PDE4D: variants seen among roughly 807,000 people sequenced by gnomAD.
The protein encoded by PDE4D is phosphodiesterase 4D.
Under a neutral mutation model 87.4 loss-of-function variants are expected in PDE4D, and 24 were observed. That is an observed-to-expected ratio of 0.27 (90% CI 0.20 to 0.39). PDE4D has a LOEUF of 0.39. PDE4D is among the 10% of genes least tolerant of loss of function. PDE4D has a pLI of 1.00. For missense variants in PDE4D, 714 were observed against 1,041.0 expected (o/e 0.69, Z 4.32); for synonymous variants, 384 against 383.2 (o/e 1.00, Z -0.02).
chr5:59,020,725 G>A (rs1471060626), intron 6 of PDE4D, among the ~76,000 whole-genome samples: 8 of 151,342 alleles, frequency 5.3e-5, no homozygotes, highest in East Asian at 3.9e-4. Flanking sequence ...AACAAAGTCC[G>A]ACTCCTCTGT....
chr5:60,102,853 T>C (rs1462514969), intron 2 of PDE4D, among the ~76,000 whole-genome samples: 1 of 152,108 alleles, frequency 6.6e-6, no homozygotes, highest in Non-Finnish European at 1.5e-5. Context: ...ATATATTCAT[T>C]GTAAACAGTC....
chr5:59,413,938 A>C (rs1793154326), intron 1 of PDE4D, among the ~76,000 whole-genome samples: 1 of 152,014 alleles, frequency 6.6e-6, no homozygotes, highest in Non-Finnish European at 1.5e-5. Context: ...ACACATACAC[A>C]CACACATATA....
At chr5:59,503,415 A>G (rs1808678203) in intron 1 of PDE4D, among the ~76,000 whole-genome samples, 1 of 152,192 alleles carries the variant, frequency 6.6e-6, no homozygotes, top group South Asian at 2.1e-4. Context: ...TTCCCATGAC[A>G]ACCAAGAATA....
At chr5:59,144,250 C>G (rs934536675) in intron 5 of PDE4D, among the ~76,000 whole-genome samples, 1 of 152,202 alleles carries the variant, frequency 6.6e-6, no homozygotes, top group Non-Finnish European at 1.5e-5. Flanking sequence ...CTCTGACCAA[C>G]CATGACCTCT....
chr5:60,087,208 A>G (rs554634724), intron 2 of PDE4D, among the ~76,000 whole-genome samples: 1 of 152,254 alleles, frequency 6.6e-6, no homozygotes, highest in Non-Finnish European at 1.5e-5. Context: ...AGACTCCCAG[A>G]ATGGGAAGAA....
chr5:59,426,734 C>T (rs1207205691), intron 1 of PDE4D, among the ~76,000 whole-genome samples: 1 of 152,026 alleles, frequency 6.6e-6, no homozygotes, highest in African/African-American at 2.4e-5. Context: ...CCTTGGGGTG[C>T]CAGTGGCTAC....
At chr5:59,494,990 C>T (rs1224273179) in intron 1 of PDE4D, among the ~76,000 whole-genome samples, 6 of 152,158 alleles carry the variant, frequency 3.9e-5, no homozygotes, top group Non-Finnish European at 8.8e-5. Flanking sequence ...CCTACAATTC[C>T]CACCTAAGGC....
At chr5:59,751,574 G>GGTGTGTGTGT (rs57407769) in intron 1 of PDE4D, among the ~76,000 whole-genome samples, 7,454 of 142,638 alleles carry the variant, frequency 0.052, 217 homozygotes, top group Middle Eastern at 0.074. Context: ...ATAAATCCCT[G>GGTGTGTGTGT]GTGTGTGTGT....
At chr5:60,131,385 G>A (rs1211754666) in intron 2 of PDE4D, among the ~76,000 whole-genome samples, 1 of 152,146 alleles carries the variant, frequency 6.6e-6, no homozygotes. Context: ...ATGTGACTTT[G>A]TAGTTCTTCT....
chr5:60,484,188 TAA>T (rs34177181), intron 1 of PDE4D, among the ~76,000 whole-genome samples: 7 of 136,582 alleles, frequency 5.1e-5, no homozygotes, highest in African/African-American at 8.1e-5. Context: ...AGACAGGAAT[TAA>T]AAAAAAAAAA....
intron 1 of PDE4D, among the ~76,000 whole-genome samples, chr5:59,621,108 A>G (rs1405374104): frequency 1.3e-5 from 2 of 152,100 alleles, no homozygotes; most frequent in Non-Finnish European, 2.9e-5. Flanking sequence ...AGTTAGAGCT[A>G]TAAGCCTATA....
At chr5:59,126,490 G>A (rs1775422596) in intron 5 of PDE4D, among the ~76,000 whole-genome samples, 1 of 152,202 alleles carries the variant, frequency 6.6e-6, no homozygotes, top group Non-Finnish European at 1.5e-5. Flanking sequence ...GGAGAAGGTT[G>A]TACTTTAGCT....
intron 1 of PDE4D, among the ~76,000 whole-genome samples, chr5:59,233,733 T>A (rs970688896): frequency 4.6e-5 from 7 of 152,268 alleles, no homozygotes; most frequent in Admixed American, 2.6e-4. Context: ...AAATATTTCA[T>A]TGCCACCTTA....
chr5:59,277,177 G>A (rs112950215), intron 1 of PDE4D, among the ~76,000 whole-genome samples: 187 of 152,258 alleles, frequency 1.2e-3, no homozygotes, highest in African/African-American at 4.3e-3. Context: ...TACGGCATCC[G>A]CCAGAGGCTC....
intron 1 of PDE4D, among the ~76,000 whole-genome samples, chr5:60,253,551 C>T (rs1257601960): frequency 1.3e-5 from 2 of 151,746 alleles, no homozygotes; most frequent in African/African-American, 4.8e-5. Context: ...GAGGCTATCT[C>T]AATTTTACAG....
At chr5:60,102,700 G>C (rs997616294) in intron 2 of PDE4D, among the ~76,000 whole-genome samples, 1 of 152,110 alleles carries the variant, frequency 6.6e-6, no homozygotes, top group Non-Finnish European at 1.5e-5. Flanking sequence ...ATAGAAAACA[G>C]ATAAAAGACT....
At chr5:59,910,259 A>C (rs114402947) in intron 3 of PDE4D, among the ~76,000 whole-genome samples, 142 of 152,280 alleles carry the variant, frequency 9.3e-4, no homozygotes, top group Non-Finnish European at 1.8e-3. Flanking sequence ...TTTTGTATTC[A>C]ACTATTCTCC....
At chr5:59,498,472 CATTTA>C (rs1479786358) in intron 1 of PDE4D, among the ~76,000 whole-genome samples, 1 of 151,510 alleles carries the variant, frequency 6.6e-6, no homozygotes, top group Non-Finnish European at 1.5e-5. Context: ...TTTAACACTC[CATTTA>C]AAAGGCAAAA....
At position 59,027,989 on chromosome 5, in the gene PDE4D, T is replaced by C. The variant is rs556343579; in HGVS notation, c.921+10870A>G. Among the ~76,000 whole-genome samples the C allele has an allele frequency of 4.6e-5, 7 of 152,226 alleles. No individual in the cohort carries two copies. In the East Asian group the frequency reaches 7.7e-4, roughly 17 times the overall value. On this transcript the variant is annotated intron_variant, in intron 6 of 14. Transcript: ENST00000340635. ...GAGAGTTACCTTCTTAATATACTTTTCTTAATATTAAATATTAATAAGATA... is the reference window on the plus strand; with the variant it reads ...GAGAGTTACCTTCTTAATATACTTTCCTTAATATTAAATATTAATAAGATA...
Sources: allele counts gnomAD v4.1 joint callset (sites outside exome capture counted in the v4.1 genomes callset), GRCh38; gene constraint gnomAD v4.1.1; transcripts MANE v1.5; gene names NCBI Gene and HGNC (gene_info 2026-07-23, HGNC 2026-07-21).